The following ATXN1 variants were observed in gnomAD, a reference collection of about 807,000 sequenced individuals.
ATXN1 encodes the protein ataxin 1.
ATXN1 carries 8 observed loss-of-function variants against 56.4 expected under a neutral mutation model. The observed-to-expected ratio is 0.14, with a 90% CI of 0.08 to 0.26. The LOEUF (loss-of-function observed/expected upper bound fraction) is 0.26. Among genes scored for constraint, ATXN1 ranks in the 10% least tolerant of loss-of-function variants. The pLI, the probability that ATXN1 is intolerant of heterozygous loss-of-function variation, is 1.00. For synonymous variants in ATXN1, 514 were observed against 494.6 expected, an observed-to-expected ratio of 1.04 and a Z score of -0.52; for missense variants, 987 against 1,106.5, an observed-to-expected ratio of 0.89 and a Z score of 1.53.
intron 3 of ATXN1, among the ~76,000 whole-genome samples, chr6:16,619,158 T>C (rs1241199282): frequency 6.6e-6 from 1 of 152,022 alleles, no homozygotes; most frequent in Non-Finnish European, 1.5e-5. Flanking sequence ...CTTAGTGTTG[T>C]CCAGAGTGCA....
chr6:16,582,094 G>A (rs1027788041), intron 4 of ATXN1, among the ~76,000 whole-genome samples: 1 of 152,178 alleles, frequency 6.6e-6, no homozygotes, highest in East Asian at 1.9e-4. Flanking sequence ...TGGTCCGGCT[G>A]TCAACAATCA....
chr6:16,327,543 G>A lies in ATXN1; in HGVS notation c.768C>T (p.Asn256=), dbSNP rs1438875219. The change falls in exon 7 of 8, where the codon AAC becomes AAT. Residue 256 remains asparagine, a synonymous_variant. Coordinates refer to ENST00000436367, the MANE Select transcript of ATXN1 (RefSeq NM_001128164.2). ...QYVHISSSPQ[N]TGRTASPPAI... ...CCGGAGGAGAGGCGGTGCGGCCGGT[G>A]TTCTGCGGAGAACTGGAAATGTGGA... 13 of 1,608,678 alleles carry A rather than the reference G, an allele frequency of 8.1e-6. No individual in the cohort carries two copies. The highest frequency in any genetic ancestry group is 1.3e-5 in the African/African-American group (1 of 74,864).
intron 2 of ATXN1, among the ~76,000 whole-genome samples, chr6:16,717,486 T>C (rs996181007): frequency 6.6e-6 from 1 of 152,252 alleles, no homozygotes; most frequent in Non-Finnish European, 1.5e-5. Flanking sequence ...AGAGAGCATG[T>C]GCACTGTGAC....
Position 16,311,571 on chromosome 6 carries a change from T to C in ATXN1, c.1918-4712A>G, listed in dbSNP as rs530264263. On this transcript the variant is annotated intron_variant, in intron 7 of 7. Transcript: ENST00000436367. ...ACCCTGTACAAGTGTGTGACACTAT[T>C]TGGTTTCAAAACTACATTTACATCA... Among the ~76,000 whole-genome samples, 3 of 152,356 alleles carry C rather than the reference T, an allele frequency of 2.0e-5. No homozygotes were observed. The East Asian group carries it at 5.8e-4, about 29-fold the overall frequency.
At chr6:16,340,499 C>T (rs1761221584) in intron 6 of ATXN1, among the ~76,000 whole-genome samples, 1 of 152,180 alleles carries the variant, frequency 6.6e-6, no homozygotes, top group South Asian at 2.1e-4. Flanking sequence ...CTCCTATATG[C>T]CTCTTACCCT....
intron 6 of ATXN1, among the ~76,000 whole-genome samples, chr6:16,443,524 TAATGTA>T (rs1250611939): frequency 6.6e-6 from 1 of 152,226 alleles, no homozygotes; most frequent in Non-Finnish European, 1.5e-5. Flanking sequence ...TAACATATTG[TAATGTA>T]ATTGTCCATC....
intron 5 of ATXN1, among the ~76,000 whole-genome samples, chr6:16,497,652 A>G (rs1399220): frequency 0.3 from 45,308 of 152,128 alleles, 7,249 homozygotes; most frequent in South Asian, 0.43. Context: ...CCTTGGTGAC[A>G]GTGCAATGGA....
chr6:16,328,257 C>A lies in ATXN1; in HGVS notation c.54G>T (p.Glu18Asp). 1 of 1,535,972 alleles carries A rather than the reference C, an allele frequency of 6.5e-7. No individual in the cohort carries two copies. Among genetic ancestry groups the A allele is most frequent in the Non-Finnish European group, 8.7e-7 (1 of 1,145,174 alleles). ...CGGAGGACCGGCTGGTGGCGGGGAT[C>A]TCGCGCTTCTTGGGAGGCAGGCATT... ...SNECLPPKKR[E>D]IPATSRSSEE... Residue 18 changes from glutamate (E) to aspartate (D), a missense_variant, in exon 7 of 8, where the codon GAG becomes GAT. Physicochemically the swap from Glu to Asp is conservative, Grantham distance 45. Around this residue, in one of 3 missense-constraint regions of ATXN1, gnomAD observed 723 missense variants for 791.7 expected, o/e 0.91. Transcript: ENST00000436367. The surrounding 1 kb of genome is among the most constrained non-coding windows in gnomAD (Gnocchi z 6.2).
chr6:16,404,356 T>G (rs751210663), intron 6 of ATXN1, among the ~76,000 whole-genome samples: 3 of 152,180 alleles, frequency 2.0e-5, no homozygotes, highest in Non-Finnish European at 4.4e-5. Flanking sequence ...ATGTTTTGTT[T>G]TCACATTTTC....
At chr6:16,508,844 A>G (rs1334777339) in intron 5 of ATXN1, among the ~76,000 whole-genome samples, 1 of 152,258 alleles carries the variant, frequency 6.6e-6, no homozygotes, top group Admixed American at 6.5e-5. Flanking sequence ...TATTCACAGT[A>G]ACCAAAAGGT....
intron 6 of ATXN1, among the ~76,000 whole-genome samples, chr6:16,342,855 C>G (rs532001571): frequency 6.6e-6 from 1 of 152,178 alleles, no homozygotes; most frequent in Non-Finnish European, 1.5e-5. Flanking sequence ...CAGGCGTTAG[C>G]AGGAGCTGGG....
intron 6 of ATXN1, among the ~76,000 whole-genome samples, chr6:16,414,341 G>C (rs773042239): frequency 5.9e-5 from 9 of 152,190 alleles, no homozygotes; most frequent in African/African-American, 2.2e-4. Flanking sequence ...ATCGGTCACT[G>C]TTAAAACCCA....
intron 4 of ATXN1, among the ~76,000 whole-genome samples, chr6:16,573,540 C>T (rs1468464436): frequency 6.6e-6 from 1 of 152,128 alleles, no homozygotes; most frequent in Non-Finnish European, 1.5e-5. Flanking sequence ...TCACCGGTTT[C>T]AGATATATAC....
chr6:16,672,420 C>A (rs759434493), intron 2 of ATXN1, among the ~76,000 whole-genome samples: 1 of 152,162 alleles, frequency 6.6e-6, no homozygotes, highest in Admixed American at 6.5e-5. Flanking sequence ...CTAGTAAATG[C>A]CTTGGAGTCT....
rs375359789 is a variant in ATXN1 at position 16,316,865 on chromosome 6, C to CTTTTTTTTTTTTTTTTTTTT, written c.1917+9509_1917+9528dup. On this transcript the variant is annotated intron_variant, in intron 7 of 7. Coordinates refer to ENST00000436367, the MANE Select transcript of ATXN1 (RefSeq NM_001128164.2). ...AGGGGGCAATAGAGAGACTGCCTGT[C>CTTTTTTTTTTTTTTTTTTTT]TTTTTTTTTTTTTTTTTTTTTTTTT... is the stretch of plus-strand genomic sequence containing the variant. Among the ~76,000 whole-genome samples, 64 of 99,444 alleles carry CTTTTTTTTTTTTTTTTTTTT rather than the reference C, an allele frequency of 6.4e-4. 7 individuals are homozygous for CTTTTTTTTTTTTTTTTTTTT. The highest frequency in any genetic ancestry group is 1.3e-3 in the South Asian group (3 of 2,348). The allele number at this position is 99,444 out of a possible 152,430, so 65.2% of individuals were successfully genotyped here. A position where few individuals can be genotyped will look rare whatever the true frequency, so the allele number is the denominator to read the frequency against.
In ATXN1 at chr6:16,301,410, T is replaced by A; in HGVS notation, c.*4919A>T. The A allele has an allele frequency of 6.6e-6, 1 of 152,608 alleles. No homozygotes were observed. Among genetic ancestry groups the A allele is most frequent in the East Asian group, 1.9e-4 (1 of 5,202 alleles). The allele number at this position is 152,608 out of a possible 1,614,324, so 9.5% of individuals were successfully genotyped here. ...GTGTGCAAGTTGTTTGGAGTTTCCC[T>A]ATGCCAGAAACACAACACTGTCCGT... On this transcript the variant is annotated 3_prime_UTR_variant, in exon 8 of 8. Coordinates refer to ENST00000436367, the MANE Select transcript of ATXN1 (RefSeq NM_001128164.2).
At chr6:16,440,989 C>A (rs556917622) in intron 6 of ATXN1, among the ~76,000 whole-genome samples, 1 of 152,218 alleles carries the variant, frequency 6.6e-6, no homozygotes, top group East Asian at 1.9e-4. Context: ...TTTGGCACAA[C>A]GGGCTCCCAA....
At chr6:16,571,415 G>C (rs548264186) in intron 4 of ATXN1, among the ~76,000 whole-genome samples, 2 of 152,174 alleles carry the variant, frequency 1.3e-5, no homozygotes, top group Non-Finnish European at 2.9e-5. Context: ...AGGGAATCTA[G>C]AGGCTACTTC....
At chr6:16,616,544 AATAT>A (rs1581296172) in intron 3 of ATXN1, among the ~76,000 whole-genome samples, 1 of 146,630 alleles carries the variant, frequency 6.8e-6, no homozygotes, top group South Asian at 2.1e-4. Flanking sequence ...TGTCTCAAAA[AATAT>A]ATATAATATA....
Sources: gnomAD v4.1 joint callset for allele counts (sites outside exome capture counted in the v4.1 genomes callset) on GRCh38, gnomAD v4.1.1 for gene constraint, gnomAD v4.1.1 regional missense constraint, Gnocchi (gnomAD v3.1) non-coding constraint, MANE v1.5 for transcripts, NCBI Gene and HGNC (gene_info 2026-07-23, HGNC 2026-07-21) for gene names.